Variants in CLCN7 observed in about 807,000 individuals in gnomAD.
The protein encoded by CLCN7 is Cl-/H+ antiporter 7, also known as H(+)/Cl(-) exchange transporter 7.
Under a neutral mutation model 102.1 loss-of-function variants are expected in CLCN7, and 60 were observed. The ratio of observed to expected loss-of-function variants is 0.59; its 90% confidence interval spans 0.48 to 0.73. The LOEUF (loss-of-function observed/expected upper bound fraction) is 0.73, where lower values mean the gene tolerates loss of function less well. Among genes scored for constraint, CLCN7 ranks in the 30% least tolerant of loss-of-function variants. The pLI, the probability that CLCN7 is intolerant of heterozygous loss-of-function variation, is 0.00. For synonymous variants in CLCN7, 560 were observed against 490.5 expected, an observed-to-expected ratio of 1.14 and a Z score of -1.87; for missense variants, 962 against 1,125.7, an observed-to-expected ratio of 0.85 and a Z score of 2.08.
At chr16:1,461,745 A>G in intron 2 of CLCN7, 71 bp from the exon 3 acceptor site, 2 of 1,280,732 alleles carry the variant, frequency 1.6e-6, no homozygotes, top group Non-Finnish European at 2.3e-6. Flanking sequence ...CTCTCAGCTC[A>G]CACACGAGGC....
intron 1 of CLCN7, among the ~76,000 whole-genome samples, chr16:1,470,004 G>A (rs1459068809): frequency 1.3e-5 from 2 of 152,250 alleles, no homozygotes; most frequent in Non-Finnish European, 1.5e-5. Context: ...CCCTGGAGCC[G>A]TCAGGTCCCC....
At chr16:1,474,033 G>A in intron 1 of CLCN7, 1 of 415,950 alleles carries the variant, frequency 2.4e-6, no homozygotes, top group Non-Finnish European at 4.8e-6. Flanking sequence ...GCAGTGAGCC[G>A]AGATCGCGCC....
Position 1,445,317 on chromosome 16 carries a change from G to A in CLCN7, c.*1314C>T, listed in dbSNP as rs2038618132. 6.6e-6 allele frequency: 1 copy of A among 151,812 alleles called. No individual in the cohort carries two copies. Among genetic ancestry groups the A allele is most frequent in the South Asian group, 2.1e-4 (1 of 4,792 alleles). 9.4% of individuals were successfully genotyped at this position (151,812 alleles called of 1,614,324 possible). On this transcript the variant is annotated 3_prime_UTR_variant, in exon 25 of 25. Coordinates refer to ENST00000382745, the MANE Select transcript of CLCN7 (RefSeq NM_001287.6). ...GTTGGACGTGGTCTGGGTGGGGTGG[G>A]AGGGACGACGCTGGCAAAGGCGGGC...
chr16:1,460,392 C>T (rs776099809), intron 6 of CLCN7, 26 bp downstream of exon 6: 2 of 1,548,628 alleles, frequency 1.3e-6, no homozygotes, highest in South Asian at 2.2e-5. Context: ...TGGGGTCCGC[C>T]ATAGCTGCGG....
chr16:1,461,923 A>G (rs946671711), intron 2 of CLCN7, among the ~76,000 whole-genome samples: 1 of 151,554 alleles, frequency 6.6e-6, no homozygotes, highest in African/African-American at 2.4e-5. Context: ...TGTCGCTACT[A>G]AAAATACAAA....
Position 1,446,573 on chromosome 16 carries a change from G to C in CLCN7, c.*58C>G. On this transcript the variant is annotated 3_prime_UTR_variant, in exon 25 of 25. Transcript: ENST00000382745. ...GGCCGAGAAACCAGTGACTCCGGGA[G>C]GAAATGCAGAAGGGCCGGGGTGCCA... 1 of 1,423,370 alleles carries C rather than the reference G, an allele frequency of 7.0e-7. No homozygotes were observed. Among genetic ancestry groups the C allele is most frequent in the Non-Finnish European group, 9.7e-7 (1 of 1,031,360 alleles). The allele number at this position is 1,423,370 out of a possible 1,614,324, so 88.2% of individuals were successfully genotyped here.
At chr16:1,449,909 G>A (rs544918225) in intron 17 of CLCN7, 1 of 182,292 alleles carries the variant, frequency 5.5e-6, no homozygotes, top group Non-Finnish European at 1.2e-5. Flanking sequence ...GAGGGAGATG[G>A]GCAGAGCACA....
At chr16:1,465,382 G>A (rs1441885202) in intron 1 of CLCN7, 44 bp from the exon 2 acceptor site, 10 of 1,539,558 alleles carry the variant, frequency 6.5e-6, no homozygotes, top group African/African-American at 2.7e-5. Flanking sequence ...GGCGTCGCAC[G>A]CTCTGCTCCG....
In CLCN7 at chr16:1,447,501, G is replaced by T; in HGVS notation, c.2141C>A (p.Ala714Asp). Residue 714 changes from alanine to aspartate, a missense_variant, in exon 23 of 25, where the codon GCC becomes GAC. Physicochemically the swap from Ala to Asp is moderately radical, Grantham distance 126. This residue lies in a region of CLCN7 where 799 missense variants were observed against 988.0 expected (regional missense o/e 0.81). Coordinates refer to ENST00000382745, the MANE Select transcript of CLCN7 (RefSeq NM_001287.6). ...CTGGATGGGTGGGAAGCGCGGGTAG[G>T]CGTCTCGGAAGTCCTTCAGCCTCAG... is the stretch of plus-strand genomic sequence containing the variant. ...RRLRLKDFRDAYPRFPPIQSI... is the reference protein window; with the variant it reads ...RRLRLKDFRDDYPRFPPIQSI... The T allele has an allele frequency of 6.4e-7, 1 of 1,554,196 alleles. No homozygotes were observed. The highest frequency in any genetic ancestry group is 8.7e-7 in the Non-Finnish European group (1 of 1,149,184).
chr16:1,463,359 GGT>G (rs2038964360), intron 2 of CLCN7, among the ~76,000 whole-genome samples: 1 of 152,130 alleles, frequency 6.6e-6, no homozygotes, highest in South Asian at 2.1e-4. Flanking sequence ...ACCTGTGCGG[GGT>G]GTGATGCACC....
intron 1 of CLCN7, among the ~76,000 whole-genome samples, chr16:1,472,938 GTTT>G (rs71391167): frequency 7.3e-6 from 1 of 136,550 alleles, no homozygotes; most frequent in Non-Finnish European, 1.6e-5. Context: ...GGCTAATTTT[GTTT>G]TTTTTTTTTT....
At chr16:1,470,716 G>A (rs377064823) in intron 1 of CLCN7, among the ~76,000 whole-genome samples, 10 of 152,216 alleles carry the variant, frequency 6.6e-5, no homozygotes, top group East Asian at 3.8e-4. Context: ...AAGTACAGCA[G>A]AGCTCAAGGG....
intron 14 of CLCN7, 120 bp from the exon 15 acceptor site, chr16:1,453,013 G>C: frequency 7.1e-7 from 1 of 1,417,486 alleles, no homozygotes; most frequent in African/African-American, 1.4e-5. Context: ...TTGTTTGTTT[G>C]TTTTTGTTTT....
At position 1,449,333 on chromosome 16, in the gene CLCN7, G is replaced by A. The variant is rs773557977; in HGVS notation, c.1618-6C>T. On this transcript the variant is annotated splice_polypyrimidine_tract_variant and splice_region_variant and intron_variant, in intron 17 of 24. Transcript: ENST00000382745. ...TTGCCGGGGTCCGCCCAGATCTGTG[G>A]GAGGTGACACGGAGGAGGTGTCAGT... is the stretch of plus-strand genomic sequence containing the variant. The A allele has an allele frequency of 1.3e-6, 2 of 1,582,402 alleles. No homozygotes were observed. Among genetic ancestry groups the A allele is most frequent in the Non-Finnish European group, 1.7e-6 (2 of 1,164,468 alleles).
chr16:1,459,386 C>G, intron 6 of CLCN7, 199 bp from the exon 7 acceptor site: 2 of 521,470 alleles, frequency 3.8e-6, no homozygotes, highest in Admixed American at 3.3e-5. Flanking sequence ...AAGGGGAGAG[C>G]AGCGCACACG....
rs1290192662 is a variant in CLCN7 at position 1,457,108 on chromosome 16, T to A, written c.822+146A>T. On this transcript the variant is annotated intron_variant, in intron 9 of 24. Transcript: ENST00000382745. The surrounding 1 kb of genome is among the most constrained non-coding windows in gnomAD (Gnocchi z 5.4). ...CTTGCCGGGCAGGGACTGTGCCCGC[T>A]GGCTCTGGGAGCCACCCGCCAGGCT... 1.3e-6 allele frequency: 1 copy of A among 766,796 alleles called. No individual in the cohort carries two copies. The highest frequency in any genetic ancestry group is 2.3e-6 in the Non-Finnish European group (1 of 439,130). 47.5% of individuals were successfully genotyped at this position (766,796 alleles called of 1,614,324 possible).
chr16:1,449,183 A>T (rs1200424208), intron 18 of CLCN7, 90 bp from the exon 19 acceptor site: 11 of 1,585,032 alleles, frequency 6.9e-6, no homozygotes, highest in Non-Finnish European at 7.7e-6. Flanking sequence ...CATCCCATCC[A>T]CCTGCTCCCA....
chr16:1,468,088 T>C (rs1216335968), intron 1 of CLCN7, among the ~76,000 whole-genome samples: 1 of 151,170 alleles, frequency 6.6e-6, no homozygotes, highest in Non-Finnish European at 1.5e-5. Flanking sequence ...ATCTCTAAAA[T>C]TAAAAAAAAA....
At chr16:1,458,583 C>G (rs2038876267) in intron 7 of CLCN7, among the ~76,000 whole-genome samples, 1 of 152,240 alleles carries the variant, frequency 6.6e-6, no homozygotes, top group Non-Finnish European at 1.5e-5. Context: ...GGGGCAGCGG[C>G]CATGCTGCCC....
Sources: allele counts gnomAD v4.1 joint callset (sites outside exome capture counted in the v4.1 genomes callset), GRCh38; gene constraint gnomAD v4.1.1; regional missense constraint gnomAD v4.1.1; non-coding constraint Gnocchi (gnomAD v3.1); transcripts MANE v1.5; gene names NCBI Gene and HGNC (gene_info 2026-07-23, HGNC 2026-07-21).